PPP2R5B: variants seen among roughly 807,000 people sequenced by gnomAD.
PPP2R5B encodes protein phosphatase 2 regulatory subunit B'beta, also known as serine/threonine-protein phosphatase 2A 56 kDa regulatory subunit beta isoform.
PPP2R5B carries 19 observed loss-of-function variants against 59.9 expected under a neutral mutation model. The ratio of observed to expected loss-of-function variants is 0.32; its 90% confidence interval spans 0.22 to 0.47. The LOEUF (loss-of-function observed/expected upper bound fraction) is 0.47, where lower values mean the gene tolerates loss of function less well. Among genes scored for constraint, PPP2R5B ranks in the 20% least tolerant of loss-of-function variants. The pLI is 1.00. For missense variants in PPP2R5B, 441 were observed against 640.2 expected, an observed-to-expected ratio of 0.69 and a Z score of 3.36; for synonymous variants, 286 against 260.5, an observed-to-expected ratio of 1.10 and a Z score of -0.94.
intron 6 of PPP2R5B, 81 bp from the exon 7 acceptor site, chr11:64,930,241 G>T: frequency 6.8e-7 from 1 of 1,472,422 alleles, no homozygotes; most frequent in South Asian, 1.1e-5. Context: ...CCGTGCAGGT[G>T]AGGGTGGGCA....
At chr11:64,932,957 C>T in intron 12 of PPP2R5B, 65 bp downstream of exon 12, 1 of 1,594,614 alleles carries the variant, frequency 6.3e-7, no homozygotes, top group South Asian at 1.1e-5. Flanking sequence ...CCAGACCCGA[C>T]CCCAGGGTTA....
chr11:64,927,609 G>A, intron 3 of PPP2R5B, 193 bp from the exon 4 acceptor site: 1 of 581,610 alleles, frequency 1.7e-6, no homozygotes, highest in East Asian at 2.9e-5. Flanking sequence ...AGGCTGAGGT[G>A]GGAGGATCGC....
rs1945254195 is a variant in PPP2R5B at position 64,933,749 on chromosome 11, C to T, written c.1399C>T (p.Leu467=). The T allele has an allele frequency of 1.9e-6, 3 of 1,557,412 alleles. No homozygotes were observed. The highest frequency in any genetic ancestry group is 2.6e-6 in the Non-Finnish European group (3 of 1,150,268). ...RQELWQGLEE[L]RLRRLQGTQG... ...GGAGTTATGGCAAGGTCTGGAGGAG[C>T]TGCGGCTACGCCGGCTACAGGGGAC... The change falls in exon 14 of 14, where the codon CTG becomes TTG. Residue 467 remains leucine, a synonymous_variant. Coordinates refer to ENST00000164133, the MANE Select transcript of PPP2R5B (RefSeq NM_006244.4).
At chr11:64,919,714 T>C (rs772030278), upstream of PPP2R5B, among the ~76,000 whole-genome samples, 46 of 148,828 alleles carry the variant, frequency 3.1e-4, no homozygotes, top group Admixed American at 6.0e-4. Context: ...ACGGAGATCT[T>C]GTCTAAAAAA....
intron 2 of PPP2R5B, 79 bp from the exon 3 acceptor site, chr11:64,926,632 AT>A: frequency 6.6e-7 from 1 of 1,506,058 alleles, no homozygotes; most frequent in Non-Finnish European, 9.1e-7. Context: ...AGCCGTGGAG[AT>A]TAGGAGGGTC....
In PPP2R5B at chr11:64,931,482, C is replaced by G; in HGVS notation, c.938C>G (p.Thr313Arg). The G allele has an allele frequency of 1.2e-6, 2 of 1,614,106 alleles. No homozygotes were observed. The highest frequency in any genetic ancestry group is 8.5e-7 in the Non-Finnish European group (1 of 1,179,982). ...TTCCTGGAGAAGGATGCCACTCTGA[C>G]AGAGCACGTGAGTACCTCTGGGGGC... Reference protein sequence around the residue: ...VQFLEKDATLTEHVIRGLLKY... With the variant: ...VQFLEKDATLREHVIRGLLKY... Residue 313 changes from threonine to arginine, a missense_variant, in exon 9 of 14, where the codon ACA becomes AGA. Thr to Arg is a moderately conservative substitution (Grantham distance 71). Coordinates refer to ENST00000164133, the MANE Select transcript of PPP2R5B (RefSeq NM_006244.4). The surrounding 1 kb of genome is among the most constrained non-coding windows in gnomAD (Gnocchi z 5.0).
upstream of PPP2R5B, among the ~76,000 whole-genome samples, chr11:64,922,147 G>C (rs747058592): frequency 1.3e-5 from 2 of 151,792 alleles, no homozygotes; most frequent in African/African-American, 4.8e-5. Flanking sequence ...AGGAGGCAGA[G>C]GTTGCAGTGA....
rs1239919470 is a variant in PPP2R5B, at chr11:64,931,745, C to G, written c.997-4C>G. The G allele has an allele frequency of 6.2e-7, 1 of 1,614,126 alleles. No individual in the cohort carries two copies. ...GTCCCTACTCCCCTCCCCAACCCAC[C>G]CAGGTGATGTTTCTGGGGGAGATGG... On this transcript the variant is annotated splice_polypyrimidine_tract_variant and splice_region_variant and intron_variant, in intron 10 of 13. Coordinates refer to ENST00000164133, the MANE Select transcript of PPP2R5B (RefSeq NM_006244.4). The surrounding 1 kb of genome is among the most constrained non-coding windows in gnomAD (Gnocchi z 5.0).
In PPP2R5B at chr11:64,931,978, G is replaced by A; in HGVS notation, c.1116+110G>A. ...AGTTTCTCCTCCAATCCCGGGTCTG[G>A]TAATGGGGAGATGCTGGACTTAGGG... On this transcript the variant is annotated intron_variant, in intron 11 of 13. Transcript: ENST00000164133. This position sits in a 1 kb window ranked among gnomAD's most constrained non-coding sequence, Gnocchi z 5.0. The A allele has an allele frequency of 6.7e-7, 1 of 1,497,718 alleles. No individual in the cohort carries two copies. Among genetic ancestry groups the A allele is most frequent in the Admixed American group, 2.1e-5 (1 of 47,448 alleles). The allele number at this position is 1,497,718 out of a possible 1,614,324, so 92.8% of individuals were successfully genotyped here.
intron 7 of PPP2R5B, 23 bp from the exon 8 acceptor site, chr11:64,930,458 C>A: frequency 2.5e-6 from 4 of 1,613,892 alleles, no homozygotes; most frequent in Non-Finnish European, 3.4e-6. Flanking sequence ...GAGCCCTCTT[C>A]CTCTCTTCTG....
chr11:64,930,418 C>T, intron 7 of PPP2R5B, 37 bp downstream of exon 7: 1 of 1,613,746 alleles, frequency 6.2e-7, no homozygotes, highest in South Asian at 1.1e-5. Flanking sequence ...GCTCAGGATT[C>T]TGGAAGGAGG....
upstream of PPP2R5B, among the ~76,000 whole-genome samples, chr11:64,923,271 C>T (rs761348951): frequency 1.3e-5 from 2 of 152,252 alleles, no homozygotes; most frequent in Non-Finnish European, 2.9e-5. Flanking sequence ...TTTGATGACA[C>T]GCTGTGTGAC....
At position 64,933,866 on chromosome 11, in the gene PPP2R5B, A is replaced by T; in HGVS notation, c.*22A>T. The T allele has an allele frequency of 6.7e-7, 1 of 1,500,458 alleles. No homozygotes were observed. The highest frequency in any genetic ancestry group is 8.9e-7 in the Non-Finnish European group (1 of 1,123,290). 92.9% of individuals were successfully genotyped at this position (1,500,458 alleles called of 1,614,324 possible). A position where few individuals can be genotyped will look rare whatever the true frequency, so the allele number is the denominator to read the frequency against. On this transcript the variant is annotated 3_prime_UTR_variant, in exon 14 of 14. Transcript: ENST00000164133. ...CTAGACAGCACCTCAGAAGGGGAAA[A>T]GCTAAACCCAGAGCTGTCAGTCCCT...
At chr11:64,928,606 G>A (rs530609110) in intron 6 of PPP2R5B, among the ~76,000 whole-genome samples, 181 bp downstream of exon 6, 18 of 152,314 alleles carry the variant, frequency 1.2e-4, no homozygotes, top group East Asian at 1.9e-4. Flanking sequence ...GTGAAACCCC[G>A]TCTCTAATAA....
At chr11:64,920,299 G>C (rs1430208752), upstream of PPP2R5B, among the ~76,000 whole-genome samples, 1 of 152,204 alleles carries the variant, frequency 6.6e-6, no homozygotes, top group East Asian at 1.9e-4. Flanking sequence ...ACATCTGTCT[G>C]TTGTAACTGA....
rs767275681 is a variant in PPP2R5B, at chr11:64,932,747, C to T, written c.1117-18C>T. The T allele has an allele frequency of 1.2e-6, 2 of 1,612,242 alleles. No individual in the cohort carries two copies. The highest frequency in any genetic ancestry group is 2.2e-5 in the South Asian group (2 of 90,816). ...AAGCCACTGCCAGTTAATCACTCTG[C>T]CATCTTGTCTGCCCCAGGTTGCAGA... On this transcript the variant is annotated intron_variant, in intron 11 of 13. Transcript: ENST00000164133.
At position 64,933,180 on chromosome 11, in the gene PPP2R5B, C is replaced by G. The variant is rs369675898; in HGVS notation, c.1280C>G (p.Thr427Ser). The G allele has an allele frequency of 1.3e-4, 208 of 1,613,226 alleles. No individual in the cohort carries two copies. Among genetic ancestry groups the G allele is most frequent in the Non-Finnish European group, 1.7e-4 (203 of 1,179,438 alleles). ...TCACTGATCTACAATGTGCTCAAGA[C>G]CTTCATGGAGATGAATGGGAAGCTG... ...IVSLIYNVLK[T>S]FMEMNGKLFD... is the part of the protein sequence containing the mutation. Residue 427 changes from threonine to serine, a missense_variant, in exon 13 of 14, where the codon ACC becomes AGC. This residue lies in a region of PPP2R5B where 268 missense variants were observed against 488.1 expected (regional missense o/e 0.55). Coordinates refer to ENST00000164133, the MANE Select transcript of PPP2R5B (RefSeq NM_006244.4).
intron 3 of PPP2R5B, 126 bp downstream of exon 3, chr11:64,927,034 C>A: frequency 8.9e-7 from 1 of 1,118,106 alleles, no homozygotes; most frequent in East Asian, 2.7e-5. Flanking sequence ...TCCACGTCTT[C>A]CTTCCCCCCG....
chr11:64,933,564 T>C (rs1945252074), intron 13 of PPP2R5B, 133 bp from the exon 14 acceptor site: 8 of 1,170,624 alleles, frequency 6.8e-6, no homozygotes, highest in Non-Finnish European at 8.2e-6. Flanking sequence ...AGGGTTTTTA[T>C]GGAGTCACAG....
Sources: allele counts gnomAD v4.1 joint callset (sites outside exome capture counted in the v4.1 genomes callset), GRCh38; gene constraint gnomAD v4.1.1; regional missense constraint gnomAD v4.1.1; non-coding constraint Gnocchi (gnomAD v3.1); transcripts MANE v1.5; gene names NCBI Gene and HGNC (gene_info 2026-07-23, HGNC 2026-07-21).